RPH3A: variants seen among roughly 807,000 people sequenced by gnomAD.
RPH3A encodes the protein rabphilin 3A, also known as rabphilin-3A.
Under a neutral mutation model 102.2 loss-of-function variants are expected in RPH3A, and 48 were observed. That is an observed-to-expected ratio of 0.47 (90% CI 0.37 to 0.60). The LOEUF (loss-of-function observed/expected upper bound fraction) is 0.60, where lower values mean the gene tolerates loss of function less well. Among genes scored for constraint, RPH3A ranks in the 20% least tolerant of loss-of-function variants. RPH3A has a pLI of 0.00. For missense variants in RPH3A, 781 were observed against 910.1 expected (o/e 0.86, Z 1.83); for synonymous variants, 310 against 324.3 (o/e 0.96, Z 0.47).
chr12:112,844,900 G>T (rs1434707115), intron 4 of RPH3A, among the ~76,000 whole-genome samples: 3 of 152,220 alleles, frequency 2.0e-5, no homozygotes, highest in African/African-American at 7.2e-5. Context: ...TTATCTGAAG[G>T]CTTCATAGGG....
At chr12:112,683,859 G>A (rs1566257633) in intron 1 of RPH3A, among the ~76,000 whole-genome samples, 1 of 152,164 alleles carries the variant, frequency 6.6e-6, no homozygotes, top group South Asian at 2.1e-4. Flanking sequence ...GTGGGCCTAG[G>A]AGAGAGGGGC....
intron 1 of RPH3A, among the ~76,000 whole-genome samples, chr12:112,604,800 G>A (rs1317728898): frequency 6.6e-6 from 1 of 152,158 alleles, no homozygotes; most frequent in African/African-American, 2.4e-5. Context: ...ACACTCACAT[G>A]ATTGTTGGCT....
chr12:112,629,077 C>T (rs748904530), intron 1 of RPH3A, among the ~76,000 whole-genome samples: 1 of 152,148 alleles, frequency 6.6e-6, no homozygotes, highest in African/African-American at 2.4e-5. Context: ...AACTGTGCCA[C>T]ACAGACCCAT....
chr12:112,578,864 G>A (rs990563141), intron 1 of RPH3A, among the ~76,000 whole-genome samples: 1 of 151,990 alleles, frequency 6.6e-6, no homozygotes, highest in African/African-American at 2.4e-5. Flanking sequence ...ACTCAGCTCT[G>A]GGCAATCATT....
In RPH3A at chr12:112,653,250, T is replaced by C. The variant is rs564947041; in HGVS notation, c.-140+77931T>C. Among the ~76,000 whole-genome samples the C allele has an allele frequency of 2.0e-5, 3 of 151,384 alleles. No homozygotes were observed. The South Asian group carries it at 6.3e-4, about 32-fold the overall frequency. ...CTAAAAACACAAAAATTAGCCTGTA[T>C]TCCCAGCTACTCAAGAGGCTGAGGC... On this transcript the variant is annotated intron_variant, in intron 1 of 21. Transcript: ENST00000543106.
chr12:112,577,155 G>A (rs1329173777), intron 1 of RPH3A, among the ~76,000 whole-genome samples: 1 of 152,154 alleles, frequency 6.6e-6, no homozygotes, highest in Non-Finnish European at 1.5e-5. Context: ...TAAAGTGAAA[G>A]CAAGTTTTTT....
At chr12:112,802,622 G>C (rs2041376212) in intron 2 of RPH3A, among the ~76,000 whole-genome samples, 2 of 152,056 alleles carry the variant, frequency 1.3e-5, no homozygotes. Flanking sequence ...TGGTGTGTGT[G>C]GGAATGTGTG....
At chr12:112,788,920 A>G (rs1592999746), upstream of RPH3A, among the ~76,000 whole-genome samples, 1 of 152,098 alleles carries the variant, frequency 6.6e-6, no homozygotes, top group African/African-American at 2.4e-5. Flanking sequence ...GCACTTTGGG[A>G]GGTCGACGTG....
chr12:112,823,452 C>T (rs2041815570), intron 2 of RPH3A, among the ~76,000 whole-genome samples: 1 of 152,164 alleles, frequency 6.6e-6, no homozygotes. Context: ...GAATTTGGTG[C>T]ATAGCAGGTG....
chr12:112,681,242 G>T (rs572028857), intron 1 of RPH3A, among the ~76,000 whole-genome samples: 1 of 152,044 alleles, frequency 6.6e-6, no homozygotes, highest in Non-Finnish European at 1.5e-5. Flanking sequence ...CCAATCATCC[G>T]CCTTCTGAAG....
chr12:112,670,766 G>A (rs938626833), intron 1 of RPH3A, among the ~76,000 whole-genome samples: 4 of 152,314 alleles, frequency 2.6e-5, no homozygotes, highest in African/African-American at 9.6e-5. Flanking sequence ...CTCAGTGACA[G>A]TTCTCAAGAG....
intron 1 of RPH3A, among the ~76,000 whole-genome samples, chr12:112,729,867 A>G (rs1413000606): frequency 2.6e-5 from 4 of 152,192 alleles, no homozygotes; most frequent in African/African-American, 4.8e-5. Flanking sequence ...CTAACCCCTA[A>G]TACCTCAGAG....
At chr12:112,589,145 A>G (rs2039458679) in intron 1 of RPH3A, among the ~76,000 whole-genome samples, 1 of 151,492 alleles carries the variant, frequency 6.6e-6, no homozygotes, top group Non-Finnish European at 1.5e-5. Context: ...AGAATTATGG[A>G]GAGATGAGGC....
intron 2 of RPH3A, among the ~76,000 whole-genome samples, chr12:112,804,575 G>A (rs772968337): frequency 5.3e-4 from 81 of 152,332 alleles, no homozygotes; most frequent in Middle Eastern, 3.4e-3. Flanking sequence ...GTGACAGCTG[G>A]CTGGCTGGTG....
chr12:112,708,474 GA>G (rs1290608057), intron 1 of RPH3A, among the ~76,000 whole-genome samples: 1 of 152,162 alleles, frequency 6.6e-6, no homozygotes, highest in Non-Finnish European at 1.5e-5. Flanking sequence ...GCGTACAAGG[GA>G]TCAAGCAGCA....
rs772237822 is a variant in RPH3A, at chr12:112,678,303, AAG to A, written c.-140+102998_-140+102999del. ...AAAGAAAGAAAGAAAGAAAGAAAGA[AAG>A]AGAGAGAGAGAGAAAGAAAGAAAGA... is the stretch of plus-strand genomic sequence containing the variant. On this transcript the variant is annotated intron_variant, in intron 1 of 21. Coordinates refer to the RPH3A transcript ENST00000543106. Among the ~76,000 whole-genome samples the A allele has an allele frequency of 1.7e-3, 83 of 50,192 alleles. 14 individuals are homozygous for A. The East Asian group carries it at 0.019, about 12-fold the overall frequency. The allele number at this position is 50,192 out of a possible 152,430, so 32.9% of individuals were successfully genotyped here. A position where few individuals can be genotyped will look rare whatever the true frequency, so the allele number is the denominator to read the frequency against.
At chr12:112,879,804 T>C (rs1266162111) in intron 14 of RPH3A, among the ~76,000 whole-genome samples, 1 of 152,168 alleles carries the variant, frequency 6.6e-6, no homozygotes, top group East Asian at 1.9e-4. Context: ...CCAAGCCTGG[T>C]CCACACAGAA....
At chr12:112,675,098 C>T (rs2040165103) in intron 1 of RPH3A, among the ~76,000 whole-genome samples, 1 of 152,198 alleles carries the variant, frequency 6.6e-6, no homozygotes, top group South Asian at 2.1e-4. Flanking sequence ...TCTGTCAAAG[C>T]TAAAACCAGG....
intron 1 of RPH3A, among the ~76,000 whole-genome samples, chr12:112,692,281 T>A (rs1345795687): frequency 6.6e-6 from 1 of 152,212 alleles, no homozygotes; most frequent in Non-Finnish European, 1.5e-5. Flanking sequence ...TGACTATAGT[T>A]AATAATGATA....
Sources: allele counts gnomAD v4.1 joint callset (sites outside exome capture counted in the v4.1 genomes callset), GRCh38; gene constraint gnomAD v4.1.1; transcripts MANE v1.5; gene names NCBI Gene and HGNC (gene_info 2026-07-23, HGNC 2026-07-21).